Variants in ITGB2 observed in about 807,000 individuals in gnomAD.
ITGB2 encodes integrin beta-2.
ITGB2 carries 56 observed loss-of-function variants against 86.8 expected under a neutral mutation model. The observed-to-expected ratio is 0.65, with a 90% CI of 0.52 to 0.81. The LOEUF is 0.81. Ranked by LOEUF, ITGB2 falls within the 30% of genes least tolerant of loss-of-function variation. The pLI is 0.00. For synonymous variants in ITGB2, 457 were observed against 450.4 expected (o/e 1.01, Z -0.19); for missense variants, 948 against 1,061.2 (o/e 0.89, Z 1.48).
intron 4 of ITGB2, among the ~76,000 whole-genome samples, chr21:44,905,890 G>A (rs950911555): frequency 6.6e-6 from 1 of 152,232 alleles, no homozygotes; most frequent in Non-Finnish European, 1.5e-5. Flanking sequence ...CTCAGTGGCC[G>A]CTGACCTGGG....
chr21:44,889,119 G>C, intron 13 of ITGB2, 157 bp downstream of exon 13: 2 of 744,520 alleles, frequency 2.7e-6, no homozygotes, highest in South Asian at 3.3e-5. Flanking sequence ...GGACACAGGG[G>C]CACGGCGGCC....
At position 44,895,396 on chromosome 21, in the gene ITGB2, G is replaced by C. The variant is rs369355294; in HGVS notation, c.994-336C>G. Among the ~76,000 whole-genome samples, 6 of 152,230 alleles carry C rather than the reference G, an allele frequency of 3.9e-5. No individual in the cohort carries two copies. The South Asian group carries it at 1.2e-3, about 32-fold the overall frequency. On this transcript the variant is annotated intron_variant, in intron 8 of 15. Transcript: ENST00000652462. ...AGTACAAATATTAGAGTGGTGTGGC[G>C]TCACATGCCTGTAGTACCAGATACT...
intron 14 of ITGB2, 43 bp downstream of exon 14, chr21:44,888,650 C>G: frequency 6.3e-7 from 1 of 1,593,426 alleles, no homozygotes; most frequent in Non-Finnish European, 8.5e-7. Flanking sequence ...ACCCCGCAGC[C>G]GGAGCTCTGG....
chr21:44,902,392 C>A (rs989057141), intron 5 of ITGB2, among the ~76,000 whole-genome samples: 2 of 150,768 alleles, frequency 1.3e-5, no homozygotes, highest in African/African-American at 4.9e-5. Context: ...CGTGTGTGAG[C>A]GTGCATTTGT....
chr21:44,886,361 A>G lies in ITGB2; in HGVS notation c.*7T>C, dbSNP rs375133952. On this transcript the variant is annotated 3_prime_UTR_variant, in exon 16 of 16. Transcript: ENST00000652462. ...GGTCCTGACGGCCTTGTCTTCACCA[A>G]GTGCTCCTAACTCTCAGCAAACTTG... The G allele has an allele frequency of 3.1e-6, 5 of 1,613,882 alleles. No homozygotes were observed. The South Asian group carries it at 4.4e-5, about 14-fold the overall frequency.
At chr21:44,915,218 G>A (rs1341380341) in intron 1 of ITGB2, among the ~76,000 whole-genome samples, 1 of 152,124 alleles carries the variant, frequency 6.6e-6, no homozygotes, top group African/African-American at 2.4e-5. Flanking sequence ...TAGAGACGAG[G>A]TTTCATCGTG....
intron 14 of ITGB2, among the ~76,000 whole-genome samples, chr21:44,888,136 G>A (rs1413442138): frequency 6.7e-6 from 1 of 149,904 alleles, no homozygotes; most frequent in Non-Finnish European, 1.5e-5. Context: ...GGTTCCGACT[G>A]GAGCCGAATG....
rs5030668 is a variant in ITGB2, at chr21:44,906,900, C to T, written c.328+15G>A. The T allele has an allele frequency of 0.15, 241,176 of 1,613,630 alleles. 19,359 individuals carry two copies. The highest frequency in any genetic ancestry group is 0.25 in the Admixed American group (14,993 of 59,996). ...CACAGACGGTGCCTGGCACCACCAC[C>T]GAGGCCAAGCCTACCTGGTCGCAGG... is the stretch of plus-strand genomic sequence containing the variant. On this transcript the variant is annotated intron_variant, in intron 4 of 15. Transcript: ENST00000652462.
intron 1 of ITGB2, among the ~76,000 whole-genome samples, chr21:44,920,220 C>A (rs1276526576): frequency 6.6e-6 from 1 of 152,064 alleles, no homozygotes; most frequent in Non-Finnish European, 1.5e-5. Context: ...CACATGCGCA[C>A]ACTCGCACAC....
intron 1 of ITGB2, among the ~76,000 whole-genome samples, chr21:44,911,629 G>A (rs2084134410): frequency 1.3e-5 from 2 of 152,222 alleles, no homozygotes; most frequent in African/African-American, 4.8e-5. Context: ...AAAGTCACCT[G>A]ACTTGCCCAA....
Position 44,910,320 on chromosome 21 carries a change from G to A in ITGB2, c.111C>T (p.Ile37=), listed in dbSNP as rs770928157. Residue 37 remains isoleucine, a synonymous_variant, in exon 3 of 16, where the codon ATC becomes ATT. Transcript: ENST00000652462. The part of the protein sequence containing the change: ...KFKVSSCREC[I]ESGPGCTWCQ... ...ACCAGGTGCAGCCGGGCCCCGACTCGATGCATTCCCGGCAGCTGCTGACCT... is the reference window on the plus strand; with the variant it reads ...ACCAGGTGCAGCCGGGCCCCGACTCAATGCATTCCCGGCAGCTGCTGACCT... The A allele has an allele frequency of 8.7e-6, 14 of 1,614,024 alleles. No individual in the cohort carries two copies. The highest frequency in any genetic ancestry group is 5.5e-5 in the South Asian group (5 of 91,084).
At chr21:44,915,812 C>T (rs1449205549) in intron 1 of ITGB2, among the ~76,000 whole-genome samples, 1 of 152,196 alleles carries the variant, frequency 6.6e-6, no homozygotes, top group Non-Finnish European at 1.5e-5. Context: ...AAACCCAGCC[C>T]ATGTCGCCTC....
At chr21:44,896,572 G>A (rs1452890764) in intron 8 of ITGB2, among the ~76,000 whole-genome samples, 7 of 149,662 alleles carry the variant, frequency 4.7e-5, no homozygotes, top group African/African-American at 7.3e-5. Context: ...TCCTGGGGCC[G>A]GTCACAGCCT....
chr21:44,890,927 C>A (rs909176813), intron 11 of ITGB2, among the ~76,000 whole-genome samples: 2 of 151,802 alleles, frequency 1.3e-5, no homozygotes, highest in Non-Finnish European at 2.9e-5. Flanking sequence ...GGCGGGGTGG[C>A]CACTGAGGCA....
chr21:44,905,595 C>T (rs925326839), intron 4 of ITGB2, among the ~76,000 whole-genome samples: 4 of 152,208 alleles, frequency 2.6e-5, no homozygotes, highest in African/African-American at 2.4e-5. Flanking sequence ...ATCAGAGCTG[C>T]CTCCAGGGGC....
chr21:44,900,175 C>G (rs2083930244), intron 7 of ITGB2, 145 bp downstream of exon 7: 2 of 1,119,254 alleles, frequency 1.8e-6, no homozygotes, highest in Non-Finnish European at 2.6e-6. Flanking sequence ...AGACCCCACG[C>G]TGCCACTTGG....
chr21:44,893,280 AC>A, intron 10 of ITGB2, 123 bp downstream of exon 10: 1 of 1,184,466 alleles, frequency 8.4e-7, no homozygotes, highest in Non-Finnish European at 1.2e-6. Flanking sequence ...TGGGATGGGG[AC>A]CCTGGCTCCT....
At position 44,901,737 on chromosome 21, in the gene ITGB2, C is replaced by A. The variant is rs745330477; in HGVS notation, c.500-4G>T. The A allele has an allele frequency of 6.2e-7, 1 of 1,607,488 alleles. No homozygotes were observed. The highest frequency in any genetic ancestry group is 1.1e-5 in the South Asian group (1 of 90,916). On this transcript the variant is annotated splice_region_variant and splice_polypyrimidine_tract_variant and intron_variant, in intron 5 of 15. Coordinates refer to ENST00000652462, the MANE Select transcript of ITGB2 (RefSeq NM_000211.5). Reference sequence around the variant, plus strand: ...TTGTCCACGAAGGACCCGAAGCCTGCAGGGCACATGGAGGGGCTGGGGAGG... The same window carrying A: ...TTGTCCACGAAGGACCCGAAGCCTGAAGGGCACATGGAGGGGCTGGGGAGG...
At chr21:44,897,067 C>T (rs1444416945) in intron 8 of ITGB2, among the ~76,000 whole-genome samples, 2 of 152,158 alleles carry the variant, frequency 1.3e-5, no homozygotes, top group Non-Finnish European at 2.9e-5. Flanking sequence ...GTCCCGGCAG[C>T]CTGACCAGCT....
Sources: allele counts gnomAD v4.1 joint callset (sites outside exome capture counted in the v4.1 genomes callset), GRCh38; gene constraint gnomAD v4.1.1; transcripts MANE v1.5; gene names NCBI Gene and HGNC (gene_info 2026-07-23, HGNC 2026-07-21).